INTS3: variants seen among roughly 807,000 people sequenced by gnomAD.
INTS3 encodes the protein integrator complex subunit 3, also known as SOSS complex subunit A.
INTS3 carries 34 observed loss-of-function variants against 146.3 expected under a neutral mutation model. The ratio of observed to expected loss-of-function variants is 0.23; its 90% CI spans 0.18 to 0.31. INTS3 has a LOEUF of 0.31. Among genes scored for constraint, INTS3 ranks in the 10% least tolerant of loss-of-function variants. The pLI is 1.00. For missense variants in INTS3, 757 were observed against 1,304.2 expected (o/e 0.58, Z 6.46); for synonymous variants, 475 against 494.9 (o/e 0.96, Z 0.53).
At chr1:153,753,325 G>T (rs142034997) in intron 8 of INTS3, among the ~76,000 whole-genome samples, 1,698 of 152,076 alleles carry the variant, frequency 0.011, 14 homozygotes, top group Non-Finnish European at 0.018. Context: ...TTGGGAGGCC[G>T]AGGCGGGCGG....
intron 10 of INTS3, 69 bp from the exon 11 acceptor site, chr1:153,759,457 C>T (rs1342137126): frequency 1.9e-6 from 2 of 1,057,582 alleles, no homozygotes; most frequent in Non-Finnish European, 3.0e-6. Flanking sequence ...TGGAATCTGT[C>T]TTGGGACTCT....
At position 153,768,952 on chromosome 1, in the gene INTS3, C is replaced by T. The variant is rs1157452002; in HGVS notation, c.2304C>T (p.Asp768=). The T allele has an allele frequency of 6.8e-6, 11 of 1,613,548 alleles. No homozygotes were observed. The highest frequency in any genetic ancestry group is 1.1e-5 in the South Asian group (1 of 91,074). ...TGAACATGATCGTGGCTGTTATTGA[C>T]TCTGCACAGGTGAACATTGAGCTCT... ...ELLNMIVAVI[D]SAQLQELVCH... is the part of the protein sequence containing the mutation. Residue 768 remains aspartate, a synonymous_variant, in exon 22 of 30, where the codon GAC becomes GAT. Coordinates refer to ENST00000318967, the MANE Select transcript of INTS3 (RefSeq NM_023015.5).
In INTS3 at chr1:153,762,668, A is replaced by T. The variant is rs1672428162; in HGVS notation, c.1517-60A>T. On this transcript the variant is annotated intron_variant, in intron 14 of 29. Transcript: ENST00000318967. ...CCCTCCATTCTCCCTTCCTAGAAGC[A>T]TGGGGCATGTTAGAGGACCCAGGAG... 4 of 1,596,656 alleles carry T rather than the reference A, an allele frequency of 2.5e-6. No individual in the cohort carries two copies. The South Asian group carries it at 3.4e-5, about 13-fold the overall frequency.
At position 153,773,462 on chromosome 1, in the gene INTS3, C is replaced by G. The variant is rs1318361276; in HGVS notation, c.*192C>G. 2 of 620,132 alleles carry G rather than the reference C, an allele frequency of 3.2e-6. No homozygotes were observed. Among genetic ancestry groups the G allele is most frequent in the Non-Finnish European group, 5.9e-6 (2 of 341,206 alleles). 38.4% of individuals were successfully genotyped at this position (620,132 alleles called of 1,614,324 possible). On this transcript the variant is annotated 3_prime_UTR_variant, in exon 30 of 30. Coordinates refer to ENST00000318967, the MANE Select transcript of INTS3 (RefSeq NM_023015.5). ...CATGCAGCCCCTAGCCCCTTCCCTC[C>G]TCCTGGGGCCTCCAGCCCCTCACAC...
In INTS3 at chr1:153,770,626, C is replaced by T. The variant is rs976045893; in HGVS notation, c.2504-59C>T. On this transcript the variant is annotated intron_variant, in intron 24 of 29. Coordinates refer to ENST00000318967, the MANE Select transcript of INTS3 (RefSeq NM_023015.5). ...GGCTGTTGGGGGATGAGAGAGGTCC[C>T]CAGATTCCATCCTGGAATCATACCT... 25 of 1,428,964 alleles carry T rather than the reference C, an allele frequency of 1.7e-5. No homozygotes were observed. In the South Asian group the frequency reaches 2.6e-4, roughly 15 times the overall value. 88.5% of individuals were successfully genotyped at this position (1,428,964 alleles called of 1,614,324 possible).
chr1:153,738,579 T>C (rs192534834), intron 1 of INTS3, among the ~76,000 whole-genome samples: 61 of 152,346 alleles, frequency 4.0e-4, no homozygotes, highest in Non-Finnish European at 7.3e-5. Flanking sequence ...TTTAGTGATA[T>C]TAACTTTGAT....
At chr1:153,752,509 T>G (rs911426684) in intron 8 of INTS3, 101 bp downstream of exon 8, 39 of 1,259,382 alleles carry the variant, frequency 3.1e-5, no homozygotes, top group Non-Finnish European at 4.1e-5. Flanking sequence ...GGAGAGTCTT[T>G]GGTGGTCAGA....
intron 24 of INTS3, 22 bp downstream of exon 24, chr1:153,770,333 G>GA (rs1672791771): frequency 5.8e-6 from 8 of 1,382,852 alleles, no homozygotes; most frequent in Non-Finnish European, 8.3e-6. Flanking sequence ...TTTGGGTAGG[G>GA]AGCACATCAG....
At chr1:153,746,844 G>A (rs1401651436) in intron 3 of INTS3, 113 bp from the exon 4 acceptor site, 4 of 658,684 alleles carry the variant, frequency 6.1e-6, no homozygotes, top group African/African-American at 5.4e-5. Flanking sequence ...GCTACTCGGT[G>A]TCTTATTGGT....
intron 1 of INTS3, among the ~76,000 whole-genome samples, chr1:153,729,946 G>C (rs552015528): frequency 6.6e-6 from 1 of 151,970 alleles, no homozygotes; most frequent in East Asian, 1.9e-4. Context: ...TATTCAACTC[G>C]GTGGTTATCC....
At chr1:153,740,570 A>G in intron 1 of INTS3, 81 bp from the exon 2 acceptor site, 1 of 1,033,560 alleles carries the variant, frequency 9.7e-7, no homozygotes, top group Non-Finnish European at 1.5e-6. Flanking sequence ...TCAGGTTTGA[A>G]TTGTTAAACT....
intron 1 of INTS3, among the ~76,000 whole-genome samples, chr1:153,736,144 G>A (rs1047487699): frequency 6.6e-6 from 1 of 152,194 alleles, no homozygotes; most frequent in Non-Finnish European, 1.5e-5. Flanking sequence ...TGTGGGAGAG[G>A]TGGGCTGTGA....
chr1:153,733,671 G>A (rs1440029046), intron 1 of INTS3, among the ~76,000 whole-genome samples: 1 of 149,908 alleles, frequency 6.7e-6, no homozygotes, highest in African/African-American at 2.5e-5. Context: ...GCAGTGGCGC[G>A]ACAGCTCCCT....
intron 23 of INTS3, 111 bp downstream of exon 23, chr1:153,769,955 A>G (rs1054734883): frequency 1.0e-4 from 85 of 823,598 alleles, no homozygotes; most frequent in Middle Eastern, 4.8e-4. Context: ...AGTTAAGGGG[A>G]GAGAATTGTA....
Position 153,761,037 on chromosome 1 carries a change from T to C in INTS3, c.1409+119T>C, listed in dbSNP as rs1672364506. ...TCTGACAGGTGTAAAAAGTATTGGC[T>C]CTACCTCAGACTGCTGGGCATATGT... On this transcript the variant is annotated intron_variant, in intron 13 of 29. Coordinates refer to ENST00000318967, the MANE Select transcript of INTS3 (RefSeq NM_023015.5). The C allele has an allele frequency of 4.0e-6, 6 of 1,513,324 alleles. No homozygotes were observed. The South Asian group carries it at 7.7e-5, about 19-fold the overall frequency. 93.7% of individuals were successfully genotyped at this position (1,513,324 alleles called of 1,614,324 possible).
chr1:153,761,510 C>CAA, intron 13 of INTS3, 60 bp from the exon 14 acceptor site: 1 of 1,233,158 alleles, frequency 8.1e-7, no homozygotes, highest in Non-Finnish European at 1.2e-6. Context: ...CACTCTGTCT[C>CAA]AAAAAAAAAT....
intron 11 of INTS3, chr1:153,759,897 CA>C (rs1440352329): frequency 1.5e-5 from 8 of 519,504 alleles, no homozygotes; most frequent in African/African-American, 1.5e-4. Flanking sequence ...TGCTTCTCCT[CA>C]CCTATTACTT....
rs112405756 is a variant in INTS3, at chr1:153,736,071, G to A, written c.151-4580G>A. ...TAAAAACAGAGGAAGCCCAGCTGGAGGGTTTTCCTTCCCTCCCCTTATCAT... is the reference window on the plus strand; with the variant it reads ...TAAAAACAGAGGAAGCCCAGCTGGAAGGTTTTCCTTCCCTCCCCTTATCAT... On this transcript the variant is annotated intron_variant, in intron 1 of 29. Coordinates refer to ENST00000318967, the MANE Select transcript of INTS3 (RefSeq NM_023015.5). 4.0e-3 allele frequency among the ~76,000 whole-genome samples: 611 copies of A among 152,258 alleles called. 9 individuals are homozygous for A. The highest frequency in any genetic ancestry group is 0.014 in the African/African-American group (589 of 41,550).
intron 1 of INTS3, among the ~76,000 whole-genome samples, chr1:153,740,140 C>T (rs182630649): frequency 6.6e-6 from 1 of 151,932 alleles, no homozygotes; most frequent in African/African-American, 2.4e-5. Flanking sequence ...CGCTCTGTCA[C>T]CCAGGCTGGA....
Sources: allele counts gnomAD v4.1 joint callset (sites outside exome capture counted in the v4.1 genomes callset), GRCh38; gene constraint gnomAD v4.1.1; transcripts MANE v1.5; gene names NCBI Gene and HGNC (gene_info 2026-07-23, HGNC 2026-07-21).